METTL4: variants seen among roughly 807,000 people sequenced by gnomAD.
METTL4 encodes N(6)-adenine-specific methyltransferase METTL4.
A neutral mutation model predicts 54.0 loss-of-function variants in METTL4; 40 were observed. That is an observed-to-expected ratio of 0.74 (90% CI 0.58 to 0.96). The LOEUF (loss-of-function observed/expected upper bound fraction) is 0.96. Among genes scored for constraint, METTL4 ranks in the 50% least tolerant of loss-of-function variants. The pLI is 0.00. For missense variants in METTL4, 525 were observed against 549.0 expected (o/e 0.96, Z 0.44); for synonymous variants, 169 against 183.8 (o/e 0.92, Z 0.65).
At position 2,538,793 on chromosome 18, in the gene METTL4, G is replaced by GA; in HGVS notation, c.*206dup. ...CTTACCACTTAATTTGTATAGTCTA[G>GA]AATAACATAGAATGTTAGTGCAACT... On this transcript the variant is annotated 3_prime_UTR_variant, in exon 9 of 9. Coordinates refer to ENST00000574538, the MANE Select transcript of METTL4 (RefSeq NM_022840.5). 1 of 565,462 alleles carries GA rather than the reference G, an allele frequency of 1.8e-6. No individual in the cohort carries two copies. The highest frequency in any genetic ancestry group is 3.1e-6 in the Non-Finnish European group (1 of 321,748). 35.0% of individuals were successfully genotyped at this position (565,462 alleles called of 1,614,324 possible). A position where few individuals can be genotyped will look rare whatever the true frequency, so the allele number is the denominator to read the frequency against.
chr18:2,558,422 A>G (rs1382818918), intron 3 of METTL4, among the ~76,000 whole-genome samples: 2 of 152,242 alleles, frequency 1.3e-5, no homozygotes, highest in Non-Finnish European at 2.9e-5. Context: ...TTATTGAATC[A>G]AAATGAAAAT....
chr18:2,551,750 G>A (rs2072164028), intron 5 of METTL4, among the ~76,000 whole-genome samples: 1 of 151,948 alleles, frequency 6.6e-6, no homozygotes, highest in Non-Finnish European at 1.5e-5. Context: ...AAATCCTACT[G>A]GCACAGCTCA....
intron 8 of METTL4, among the ~76,000 whole-genome samples, chr18:2,543,476 T>C (rs1284568972): frequency 6.6e-6 from 1 of 152,234 alleles, no homozygotes; most frequent in Non-Finnish European, 1.5e-5. Context: ...TATCACATGC[T>C]ACGGAACTTT....
At chr18:2,542,058 G>T (rs1222957164) in intron 8 of METTL4, among the ~76,000 whole-genome samples, 3 of 152,084 alleles carry the variant, frequency 2.0e-5, no homozygotes, top group Non-Finnish European at 4.4e-5. Flanking sequence ...TATATATGGA[G>T]TTATTCAGAT....
chr18:2,555,803 T>TGTTGGTTG lies in METTL4; in HGVS notation c.460-773_460-766dup, dbSNP rs35864755. Among the ~76,000 whole-genome samples, 31 of 151,428 alleles carry TGTTGGTTG rather than the reference T, an allele frequency of 2.0e-4. 1 individual carries two copies. The highest frequency in any genetic ancestry group is 3.9e-4 in the East Asian group (2 of 5,150). ...ATGCACAAAATATGTTTGTTTGTTT[T>TGTTGGTTG]GTTGGTTGGTTGGTTGGTTGGTTGG... is the stretch of plus-strand genomic sequence containing the variant. On this transcript the variant is annotated intron_variant, in intron 3 of 8. Transcript: ENST00000574538.
intron 6 of METTL4, 103 bp from the exon 7 acceptor site, chr18:2,544,862 TA>T (rs1415091786): frequency 3.1e-6 from 2 of 644,122 alleles, no homozygotes; most frequent in Non-Finnish European, 5.3e-6. Flanking sequence ...TGATATTCAG[TA>T]AAAATACTAT....
intron 8 of METTL4, chr18:2,540,866 T>A: frequency 1.0e-6 from 1 of 985,420 alleles, no homozygotes; most frequent in Non-Finnish European, 1.2e-6. Context: ...GCAACCCTAT[T>A]TTAGAAATTT....
chr18:2,553,676 G>C (rs2072195283), intron 4 of METTL4: 1 of 152,118 alleles, frequency 6.6e-6, no homozygotes, highest in Non-Finnish European at 1.5e-5. Flanking sequence ...GAATTTTACT[G>C]TAAGGAAGAG....
chr18:2,562,889 T>C (rs1051318747), intron 3 of METTL4, among the ~76,000 whole-genome samples: 4 of 152,020 alleles, frequency 2.6e-5, no homozygotes, highest in Non-Finnish European at 5.9e-5. Context: ...GCCGCAGAAT[T>C]TTACACTTAA....
Position 2,571,282 on chromosome 18 carries a change from C to A in METTL4, c.-572G>T, listed in dbSNP as rs3817345. On this transcript the variant is annotated 5_prime_UTR_variant, in exon 1 of 9. An upstream start codon of the reference 5' UTR is lost. Coordinates refer to ENST00000574538, the MANE Select transcript of METTL4 (RefSeq NM_022840.5). ...AAAGCTTTCTCCTTTTCTAAGAGTC[C>A]ATGGGCGCCGCCATGTTGCTGTACG... is the stretch of plus-strand genomic sequence containing the variant. The A allele has an allele frequency of 6.6e-6, 1 of 152,236 alleles. No individual in the cohort carries two copies. 9.4% of individuals were successfully genotyped at this position (152,236 alleles called of 1,614,324 possible). A position where few individuals can be genotyped will look rare whatever the true frequency, so the allele number is the denominator to read the frequency against.
Position 2,538,906 on chromosome 18 carries a change from T to C in METTL4, c.*94A>G, listed in dbSNP as rs555419450. ...ACAAGTCCTGTTTATATTCTAAGAA[T>C]ATGGGTTGGTAACAAAATAAAAAAA... On this transcript the variant is annotated 3_prime_UTR_variant, in exon 9 of 9. Coordinates refer to ENST00000574538, the MANE Select transcript of METTL4 (RefSeq NM_022840.5). 1.0e-4 allele frequency: 138 copies of C among 1,370,166 alleles called. No individual in the cohort carries two copies. The African/African-American group carries it at 1.8e-3, about 18-fold the overall frequency. The allele number at this position is 1,370,166 out of a possible 1,614,324, so 84.9% of individuals were successfully genotyped here. A position where few individuals can be genotyped will look rare whatever the true frequency, so the allele number is the denominator to read the frequency against.
Position 2,538,982 on chromosome 18 carries a change from C to T in METTL4, c.*18G>A, listed in dbSNP as rs761105750. 6 of 1,610,792 alleles carry T rather than the reference C, an allele frequency of 3.7e-6. No homozygotes were observed. The highest frequency in any genetic ancestry group is 3.3e-5 in the South Asian group (3 of 90,506). On this transcript the variant is annotated 3_prime_UTR_variant, in exon 9 of 9. Coordinates refer to ENST00000574538, the MANE Select transcript of METTL4 (RefSeq NM_022840.5). The stretch of plus-strand genomic sequence containing the variant: ...TGAGGAAACAATGAAGAAACCACTA[C>T]TTTAATCAAGATCATAGTCAGCTTC...
chr18:2,540,710 C>A (rs961400671), intron 8 of METTL4: 2 of 985,262 alleles, frequency 2.0e-6, no homozygotes, highest in Middle Eastern at 5.2e-4. Context: ...GGAAATAACC[C>A]CACATGGAAG....
chr18:2,548,395 A>C (rs1272753884), intron 5 of METTL4, among the ~76,000 whole-genome samples: 1 of 151,956 alleles, frequency 6.6e-6, no homozygotes, highest in Admixed American at 6.6e-5. Flanking sequence ...GTTCTCTTTG[A>C]GAGGTATGCT....
intron 8 of METTL4, among the ~76,000 whole-genome samples, chr18:2,539,516 C>T (rs557252694): frequency 7.0e-4 from 104 of 148,978 alleles, no homozygotes; most frequent in African/African-American, 2.4e-3. Flanking sequence ...GAGTCTCGCA[C>T]TGTCACCCAG....
chr18:2,552,894 T>C, intron 4 of METTL4, 130 bp from the exon 5 acceptor site: 1 of 598,788 alleles, frequency 1.7e-6, no homozygotes, highest in South Asian at 2.1e-5. Flanking sequence ...AAGGGATCTG[T>C]ATATAGCATT....
intron 2 of METTL4, chr18:2,566,578 T>A (rs1374104607): frequency 4.3e-6 from 1 of 230,644 alleles, no homozygotes; most frequent in Non-Finnish European, 8.3e-6. Flanking sequence ...TTTCTTTGCT[T>A]AATTTACAGA....
At chr18:2,569,814 C>G (rs2072475702) in intron 1 of METTL4, among the ~76,000 whole-genome samples, 2 of 152,328 alleles carry the variant, frequency 1.3e-5, no homozygotes, top group South Asian at 4.1e-4. Flanking sequence ...ACTGTCACCA[C>G]CCAACACTTT....
rs116150764 is a variant in METTL4 at position 2,567,595 on chromosome 18, C to T, written c.-379G>A. On this transcript the variant is annotated 5_prime_UTR_variant, in exon 2 of 9. Transcript: ENST00000574538. The stretch of plus-strand genomic sequence containing the variant: ...TTCTTGCTTTGGTCCTTGGGTCTAG[C>T]CACTAGGTCCACATCCTCCAAGTCA... The T allele has an allele frequency of 9.6e-3, 1,568 of 163,404 alleles. 35 individuals are homozygous for T. The highest frequency in any genetic ancestry group is 0.035 in the African/African-American group (1,462 of 41,706). The allele number at this position is 163,404 out of a possible 1,614,324, so 10.1% of individuals were successfully genotyped here.
Sources: gnomAD v4.1 joint callset for allele counts (sites outside exome capture counted in the v4.1 genomes callset) on GRCh38, gnomAD v4.1.1 for gene constraint, MANE v1.5 for transcripts, NCBI Gene and HGNC (gene_info 2026-07-23, HGNC 2026-07-21) for gene names.